The following ZNF347 variants were observed in gnomAD, a reference collection of about 807,000 sequenced individuals.
ZNF347 encodes CTD-2620I22.7.
ZNF347 carries 19 observed loss-of-function variants against 12.9 expected under a neutral mutation model. The ratio of observed to expected loss-of-function variants is 1.47; its 90% CI spans 1.03 to 2.16. The LOEUF (loss-of-function observed/expected upper bound fraction) is 2.16, where lower values mean the gene tolerates loss of function less well. Ranked by LOEUF, ZNF347 falls within the 30% of genes most tolerant of loss-of-function variation. The pLI, the probability that ZNF347 is intolerant of heterozygous loss-of-function variation, is 0.00. For missense variants in ZNF347, 1,005 were observed against 990.6 expected, an observed-to-expected ratio of 1.01 and a Z score of -0.19; for synonymous variants, 328 against 340.6, an observed-to-expected ratio of 0.96 and a Z score of 0.41.
At chr19:53,150,193 T>C (rs765458563) in intron 2 of ZNF347, among the ~76,000 whole-genome samples, 54 of 152,146 alleles carry the variant, frequency 3.5e-4, no homozygotes, top group Non-Finnish European at 6.0e-4. Context: ...GATCTGATGC[T>C]ATGTCCAGGT....
In ZNF347 at chr19:53,149,261, T is replaced by C. The variant is rs377533409; in HGVS notation, c.122A>G (p.Tyr41Cys). The change falls in exon 3 of 5, where the codon TAT (tyrosine) becomes TGT (cysteine). Residue 41 changes from tyrosine to cysteine, a missense_variant. By Grantham distance (194) the Tyr-to-Cys change is radical. Coordinates refer to ENST00000334197, the MANE Select transcript of ZNF347 (RefSeq NM_032584.3). ...TLYRDVMLEN[Y>C]RNLASLGISC... The stretch of plus-strand genomic sequence containing the variant: ...CTCACCCAGGGAGGCCAGGTTCCTA[T>C]AATTCTCCAACATCACGTCCCTGTA... The C allele has an allele frequency of 3.1e-6, 5 of 1,613,428 alleles. No homozygotes were observed. The highest frequency in any genetic ancestry group is 2.7e-5 in the African/African-American group (2 of 74,882).
rs199780607 is a variant in ZNF347, at chr19:53,149,240, C to A, written c.142+1G>T. The A allele has an allele frequency of 2.9e-4, 473 of 1,612,154 alleles. No homozygotes were observed. The highest frequency in any genetic ancestry group is 3.8e-4 in the Non-Finnish European group (447 of 1,179,418). ...GACTTCTGGAAGAAAGTCATCCTCA[C>A]CCAGGGAGGCCAGGTTCCTATAATT... On this transcript the variant is annotated splice_donor_variant, in intron 3 of 4. Transcript: ENST00000334197. LOFTEE classifies it high-confidence loss of function.
intron 1 of ZNF347, among the ~76,000 whole-genome samples, chr19:53,156,045 C>CGGGGGGG (rs34037433): frequency 7.6e-4 from 13 of 17,038 alleles, no homozygotes; most frequent in Non-Finnish European, 1.0e-3. Flanking sequence ...ACTCCCAGCT[C>CGGGGGGG]GGGGGGGGGG....
intron 1 of ZNF347, 155 bp downstream of exon 1, chr19:53,158,854 G>C (rs1185501373): frequency 7.2e-6 from 1 of 139,050 alleles, no homozygotes; most frequent in Non-Finnish European, 1.5e-5. Flanking sequence ...CCGAAATCGC[G>C]CCATTGCACT....
rs1371054996 is a variant in ZNF347 at position 53,135,972 on chromosome 19, G to T, written c.*4336C>A. On this transcript the variant is annotated 3_prime_UTR_variant, in exon 5 of 5. Coordinates refer to ENST00000334197, the MANE Select transcript of ZNF347 (RefSeq NM_032584.3). Reference sequence around the variant, plus strand: ...CTGTAAGATCCTCTGGCTCAGAAAAGAAATACCAGCCACAGTAGGAAGTTG... The same window carrying T: ...CTGTAAGATCCTCTGGCTCAGAAAATAAATACCAGCCACAGTAGGAAGTTG... 6.6e-6 allele frequency: 1 copy of T among 152,040 alleles called. No individual in the cohort carries two copies. The highest frequency in any genetic ancestry group is 1.5e-5 in the Non-Finnish European group (1 of 68,012). 9.4% of individuals were successfully genotyped at this position (152,040 alleles called of 1,614,324 possible). A position where few individuals can be genotyped will look rare whatever the true frequency, so the allele number is the denominator to read the frequency against.
chr19:53,147,688 C>T (rs2090471964), intron 4 of ZNF347, among the ~76,000 whole-genome samples: 2 of 152,066 alleles, frequency 1.3e-5, no homozygotes, highest in Admixed American at 6.6e-5. Flanking sequence ...CAGCATTACC[C>T]TGATACCAAA....
intron 4 of ZNF347, among the ~76,000 whole-genome samples, chr19:53,147,515 G>A (rs910386338): frequency 3.9e-5 from 6 of 151,904 alleles, no homozygotes; most frequent in African/African-American, 1.5e-4. Context: ...CTATGATTGT[G>A]CCACTGAACT....
At chr19:53,152,756 C>T (rs2090506924) in intron 2 of ZNF347, among the ~76,000 whole-genome samples, 1 of 151,450 alleles carries the variant, frequency 6.6e-6, no homozygotes, top group African/African-American at 2.4e-5. Flanking sequence ...CAGTGAAACC[C>T]CGTCTCTATT....
intron 1 of ZNF347, among the ~76,000 whole-genome samples, chr19:53,154,307 C>G (rs1206983903): frequency 6.6e-6 from 1 of 151,768 alleles, no homozygotes; most frequent in Non-Finnish European, 1.5e-5. Flanking sequence ...CATAGTGAGA[C>G]CCCATTTCTC....
In ZNF347 at chr19:53,141,731, A is replaced by G. The variant is rs762271196; in HGVS notation, c.1097T>C (p.Ile366Thr). Reference protein sequence around the residue: ...QNSHLVRHRGIHTGEKPYKCN... With the variant: ...QNSHLVRHRGTHTGEKPYKCN... ...CTTGTAAGGTTTCTCTCCAGTATGA[A>G]TTCCTCGATGTCTTACAAGGTGTGA... The change falls in exon 5 of 5, where the codon ATT (isoleucine) becomes ACT (threonine). Residue 366 changes from isoleucine (I) to threonine (T), a missense_variant. Coordinates refer to ENST00000334197, the MANE Select transcript of ZNF347 (RefSeq NM_032584.3). 2.5e-6 allele frequency: 4 copies of G among 1,613,908 alleles called. No homozygotes were observed. The South Asian group carries it at 4.4e-5, about 18-fold the overall frequency.
At position 53,139,717 on chromosome 19, in the gene ZNF347, G is replaced by C. The variant is rs1158726318; in HGVS notation, c.*591C>G. The C allele has an allele frequency of 6.6e-6, 1 of 152,328 alleles. No homozygotes were observed. Among genetic ancestry groups the C allele is most frequent in the African/African-American group, 2.4e-5 (1 of 41,454 alleles). The allele number at this position is 152,328 out of a possible 1,614,324, so 9.4% of individuals were successfully genotyped here. The stretch of plus-strand genomic sequence containing the variant: ...TTACAGTCTTAGAGTAAGAGCTTCA[G>C]GATGCTCTTACACATTACATTTGTG... On this transcript the variant is annotated 3_prime_UTR_variant, in exon 5 of 5. Transcript: ENST00000334197.
chr19:53,150,397 T>C (rs58665946), intron 2 of ZNF347, among the ~76,000 whole-genome samples: 10,033 of 152,282 alleles, frequency 0.066, 396 homozygotes, highest in East Asian at 0.15. Context: ...GGGCAGAATG[T>C]TTCCTTAATT....
rs914155747 is a variant in ZNF347 at position 53,137,423 on chromosome 19, A to G, written c.*2885T>C. 6 of 152,156 alleles carry G rather than the reference A, an allele frequency of 3.9e-5. No individual in the cohort carries two copies. The highest frequency in any genetic ancestry group is 1.2e-4 in the African/African-American group (5 of 41,450). The allele number at this position is 152,156 out of a possible 1,614,324, so 9.4% of individuals were successfully genotyped here. On this transcript the variant is annotated 3_prime_UTR_variant, in exon 5 of 5. Transcript: ENST00000334197. ...CACCCTTTTATTAAAGGTTATTACC[A>G]TAACACCCCAAGCAAGTTATTTATC...
At chr19:53,145,219 A>G (rs997347244) in intron 4 of ZNF347, among the ~76,000 whole-genome samples, 8 of 144,662 alleles carry the variant, frequency 5.5e-5, no homozygotes, top group African/African-American at 2.0e-4. Flanking sequence ...TGATCCCAGG[A>G]GGTGGAGGAT....
chr19:53,154,244 G>A (rs1457573968), intron 1 of ZNF347, among the ~76,000 whole-genome samples: 20 of 152,088 alleles, frequency 1.3e-4, no homozygotes, highest in Admixed American at 1.2e-3. Flanking sequence ...CACTTTGGGA[G>A]GCTGAGGCAG....
Position 53,140,181 on chromosome 19 carries a change from T to C in ZNF347, c.*127A>G, listed in dbSNP as rs1599850168. The stretch of plus-strand genomic sequence containing the variant: ...TCCCAAAGTGTTGGGATTACAGGCA[T>C]GAGCCACTGCACCCAGCCAGTCATT... On this transcript the variant is annotated 3_prime_UTR_variant, in exon 5 of 5. Coordinates refer to ENST00000334197, the MANE Select transcript of ZNF347 (RefSeq NM_032584.3). The C allele has an allele frequency of 2.1e-6, 2 of 967,548 alleles. No individual in the cohort carries two copies. The highest frequency in any genetic ancestry group is 3.1e-6 in the Non-Finnish European group (2 of 653,948). The allele number at this position is 967,548 out of a possible 1,614,324, so 59.9% of individuals were successfully genotyped here.
chr19:53,142,262 T>G lies in ZNF347; in HGVS notation c.566A>C (p.Gln189Pro), dbSNP rs2090434089. Residue 189 changes from glutamine (Q) to proline (P), a missense_variant, in exon 5 of 5, where the codon CAG becomes CCG. Coordinates refer to ENST00000334197, the MANE Select transcript of ZNF347 (RefSeq NM_032584.3). ...AAGCTGCAGTTCAGGCAGATGTGAC[T>G]GAAGGCTTAATCCAAGCTGATTTTT... is the stretch of plus-strand genomic sequence containing the variant. ...LIKNQLGLSL[Q>P]SHLPELQLFQ... The G allele has an allele frequency of 6.2e-7, 1 of 1,613,736 alleles. No homozygotes were observed. Among genetic ancestry groups the G allele is most frequent in the Non-Finnish European group, 8.5e-7 (1 of 1,179,858 alleles).
intron 2 of ZNF347, among the ~76,000 whole-genome samples, chr19:53,151,474 C>T (rs2090497354): frequency 6.9e-6 from 1 of 144,728 alleles, no homozygotes; most frequent in African/African-American, 2.6e-5. Flanking sequence ...GGAGGCGGAG[C>T]TTGCAGTGAA....
rs759171774 is a variant in ZNF347, at chr19:53,157,108, C to T, written c.-47+1901G>A. 1.4e-4 allele frequency among the ~76,000 whole-genome samples: 21 copies of T among 152,252 alleles called. No individual in the cohort carries two copies. The South Asian group carries it at 1.5e-3, about 11-fold the overall frequency. Reference sequence around the variant, plus strand: ...GTGGGTGGACTCAAAACTAAATGAGCGAAGTCACTGCCCTCTGGTTTGAAT... The same window carrying T: ...GTGGGTGGACTCAAAACTAAATGAGTGAAGTCACTGCCCTCTGGTTTGAAT... On this transcript the variant is annotated intron_variant, in intron 1 of 4. Coordinates refer to ENST00000334197, the MANE Select transcript of ZNF347 (RefSeq NM_032584.3).
Sources: allele counts gnomAD v4.1 joint callset (sites outside exome capture counted in the v4.1 genomes callset), GRCh38; gene constraint gnomAD v4.1.1; transcripts MANE v1.5; gene names NCBI Gene and HGNC (gene_info 2026-07-23, HGNC 2026-07-21).